The following RBFOX1 variants were observed in gnomAD, a reference collection of about 807,000 sequenced individuals.
RBFOX1 encodes RNA binding protein fox-1 homolog 1.
Under a neutral mutation model 57.7 loss-of-function variants are expected in RBFOX1, and 8 were observed. That is an observed-to-expected ratio of 0.14 (90% CI 0.08 to 0.25). The LOEUF is 0.25. RBFOX1 is among the 10% of genes least tolerant of loss of function. The probability of loss-of-function intolerance (pLI) is 1.00; values close to 1 mark genes in which losing one functional copy is unlikely to be tolerated. For synonymous variants in RBFOX1, 326 were observed against 222.4 expected (o/e 1.47, Z -4.15); for missense variants, 611 against 548.5 (o/e 1.11, Z -1.14).
At chr16:6,169,921 C>A (rs1473114194) in intron 1 of RBFOX1, among the ~76,000 whole-genome samples, 1 of 152,152 alleles carries the variant, frequency 6.6e-6, no homozygotes, top group Non-Finnish European at 1.5e-5. Flanking sequence ...TGCGCCACCA[C>A]ACCTGACTAG....
At position 6,304,792 on chromosome 16, in the gene RBFOX1, G is replaced by A. The variant is rs369745722; in HGVS notation, c.-126-12203G>A. Among the ~76,000 whole-genome samples the A allele has an allele frequency of 7.8e-4, 117 of 149,168 alleles. No homozygotes were observed. In the South Asian group the frequency reaches 0.013, roughly 17 times the overall value. On this transcript the variant is annotated intron_variant, in intron 1 of 15. Transcript: ENST00000550418. The stretch of plus-strand genomic sequence containing the variant: ...GCCAGCTACTCAGGAGGCTGAGGCC[G>A]GAGAAGGGAGGTGGAAATTGCAGTG...
intron 4 of RBFOX1, among the ~76,000 whole-genome samples, chr16:7,339,521 C>T (rs1200054524): frequency 1.3e-5 from 2 of 152,264 alleles, no homozygotes; most frequent in East Asian, 1.9e-4. Flanking sequence ...GCTCACTGCA[C>T]CTCCACCTGC....
chr16:7,058,814 C>T (rs975803145), intron 4 of RBFOX1, among the ~76,000 whole-genome samples: 2 of 151,898 alleles, frequency 1.3e-5, no homozygotes, highest in Non-Finnish European at 2.9e-5. Flanking sequence ...ATTTTATGTT[C>T]CATTTATTGT....
intron 3 of RBFOX1, among the ~76,000 whole-genome samples, chr16:6,992,440 A>C (rs1465688301): frequency 6.6e-6 from 1 of 151,386 alleles, no homozygotes; most frequent in African/African-American, 2.4e-5. Context: ...CTGGTCTTGA[A>C]CTCTTGATCT....
At chr16:5,817,301 A>T (rs1051377082) in intron 3 of RBFOX1, among the ~76,000 whole-genome samples, 1 of 152,210 alleles carries the variant, frequency 6.6e-6, no homozygotes, top group African/African-American at 2.4e-5. Context: ...TCTTCTCCCC[A>T]GTTCCCCTCA....
At chr16:6,524,203 A>T (rs1405723270) in intron 2 of RBFOX1, among the ~76,000 whole-genome samples, 1 of 152,054 alleles carries the variant, frequency 6.6e-6, no homozygotes, top group Non-Finnish European at 1.5e-5. Context: ...GAGTTCTATC[A>T]TTTTTATTTC....
At chr16:6,542,844 A>G (rs2096842714) in intron 2 of RBFOX1, among the ~76,000 whole-genome samples, 1 of 151,908 alleles carries the variant, frequency 6.6e-6, no homozygotes, top group African/African-American at 2.4e-5. Flanking sequence ...CACAGTTACC[A>G]TCTTTTGTAA....
chr16:6,827,449 C>T (rs1488064677), intron 3 of RBFOX1, among the ~76,000 whole-genome samples: 2 of 150,906 alleles, frequency 1.3e-5, no homozygotes, highest in Non-Finnish European at 3.0e-5. Flanking sequence ...GATGCAGTCT[C>T]AGTATGATGA....
At chr16:6,750,881 A>G (rs2154191176) in intron 3 of RBFOX1, among the ~76,000 whole-genome samples, 1 of 152,326 alleles carries the variant, frequency 6.6e-6, no homozygotes, top group Non-Finnish European at 1.5e-5. Flanking sequence ...GAGTGATGGT[A>G]GAAGATACAG....
intron 1 of RBFOX1, among the ~76,000 whole-genome samples, chr16:6,158,421 C>A (rs1165444826): frequency 6.6e-6 from 1 of 152,146 alleles, no homozygotes; most frequent in African/African-American, 2.4e-5. Flanking sequence ...TCTCGCCGTG[C>A]CTGTGAGGCC....
chr16:7,647,779 C>T (rs1460878110), intron 11 of RBFOX1, among the ~76,000 whole-genome samples: 1 of 152,144 alleles, frequency 6.6e-6, no homozygotes, highest in African/African-American at 2.4e-5. Context: ...AATAGTCATT[C>T]ATTGCCCACT....
chr16:6,891,865 A>AGT, intron 3 of RBFOX1, among the ~76,000 whole-genome samples: 1 of 152,304 alleles, frequency 6.6e-6, no homozygotes, highest in Non-Finnish European at 1.5e-5. Context: ...GTGGACAGCA[A>AGT]GGCCAGCACT....
chr16:6,129,572 G>A (rs1258024637), intron 1 of RBFOX1, among the ~76,000 whole-genome samples: 1 of 151,996 alleles, frequency 6.6e-6, no homozygotes, highest in Non-Finnish European at 1.5e-5. Flanking sequence ...AAGCATAGAG[G>A]TAGGGAGGAG....
chr16:6,025,915 T>C (rs2095183186), intron 1 of RBFOX1, among the ~76,000 whole-genome samples: 1 of 152,210 alleles, frequency 6.6e-6, no homozygotes, highest in African/African-American at 2.4e-5. Context: ...AACATCAGAA[T>C]AAGTGTACAT....
At chr16:7,482,950 A>T (rs1198616328) in intron 4 of RBFOX1, among the ~76,000 whole-genome samples, 2 of 152,090 alleles carry the variant, frequency 1.3e-5, no homozygotes, top group Non-Finnish European at 1.5e-5. Flanking sequence ...GTTGGAAAAG[A>T]CCTTCACCTG....
Position 7,155,957 on chromosome 16 carries a change from G to T in RBFOX1, c.27+103859G>T, listed in dbSNP as rs554966825. 7.3e-5 allele frequency among the ~76,000 whole-genome samples: 11 copies of T among 150,966 alleles called. No individual in the cohort carries two copies. In the East Asian group the frequency reaches 2.1e-3, roughly 29 times the overall value. On this transcript the variant is annotated intron_variant, in intron 4 of 15. Transcript: ENST00000550418. ...ATTAAAAACTGATCTATTTTTCCAG[G>T]AGCCAAAATAACTATGTAATATACA... is the stretch of plus-strand genomic sequence containing the variant.
chr16:6,878,960 T>C (rs1447214984), intron 3 of RBFOX1, among the ~76,000 whole-genome samples: 2 of 152,066 alleles, frequency 1.3e-5, no homozygotes, highest in African/African-American at 4.8e-5. Context: ...AAATTAAAAC[T>C]GAGATAAATA....
At chr16:7,224,801 C>G (rs975328201) in intron 4 of RBFOX1, among the ~76,000 whole-genome samples, 8 of 152,170 alleles carry the variant, frequency 5.3e-5, no homozygotes, top group African/African-American at 1.7e-4. Flanking sequence ...AAAGACCAGC[C>G]TCACTTGGTA....
chr16:6,085,471 A>C (rs1047932389), intron 1 of RBFOX1, among the ~76,000 whole-genome samples: 1 of 152,144 alleles, frequency 6.6e-6, no homozygotes, highest in Non-Finnish European at 1.5e-5. Flanking sequence ...GGGTTTCACC[A>C]TGTTGATCTG....
Sources: allele counts gnomAD v4.1 joint callset (sites outside exome capture counted in the v4.1 genomes callset), GRCh38; gene constraint gnomAD v4.1.1; transcripts MANE v1.5; gene names NCBI Gene and HGNC (gene_info 2026-07-23, HGNC 2026-07-21).